The following DSCAML1 variants were observed in gnomAD, a reference collection of about 807,000 sequenced individuals.
The protein encoded by DSCAML1 is DS cell adhesion molecule like 1, also known as cell adhesion molecule DSCAML1.
DSCAML1 carries 38 observed loss-of-function variants against 200.5 expected under a neutral mutation model. The ratio of observed to expected loss-of-function variants is 0.19; its 90% CI spans 0.15 to 0.25. DSCAML1 has a LOEUF of 0.25. Ranked by LOEUF, DSCAML1 falls within the 10% of genes least tolerant of loss-of-function variation. The probability of loss-of-function intolerance (pLI) is 1.00; values close to 1 mark genes in which losing one functional copy is unlikely to be tolerated. For synonymous variants in DSCAML1, 1,215 were observed against 1,165.0 expected, an observed-to-expected ratio of 1.04 and a Z score of -0.87; for missense variants, 2,223 against 2,858.8, an observed-to-expected ratio of 0.78 and a Z score of 5.07.
intron 3 of DSCAML1, among the ~76,000 whole-genome samples, chr11:117,732,902 C>T (rs1456860096): frequency 6.6e-6 from 1 of 150,974 alleles, no homozygotes; most frequent in Non-Finnish European, 1.5e-5. Flanking sequence ...ATGATAATAA[C>T]AAAAAAAAAT....
chr11:117,575,809 G>A (rs900308095), intron 3 of DSCAML1, among the ~76,000 whole-genome samples: 1 of 151,998 alleles, frequency 6.6e-6, no homozygotes, highest in Non-Finnish European at 1.5e-5. Context: ...TCCAGTTTGG[G>A]TGACAGAGCC....
intron 1 of DSCAML1, among the ~76,000 whole-genome samples, chr11:117,791,940 A>G (rs2055474109): frequency 6.6e-6 from 1 of 152,200 alleles, no homozygotes. Context: ...ATAGCTGGAG[A>G]AAGTGGGGCT....
At chr11:117,453,673 A>G (rs1214453468) in intron 19 of DSCAML1, among the ~76,000 whole-genome samples, 1 of 151,470 alleles carries the variant, frequency 6.6e-6, no homozygotes, top group Non-Finnish European at 1.5e-5. Flanking sequence ...GGTTGCTTTT[A>G]AGATCTCTCT....
upstream of DSCAML1, among the ~76,000 whole-genome samples, chr11:117,799,803 A>C (rs1396338644): frequency 6.6e-6 from 1 of 152,236 alleles, no homozygotes; most frequent in Non-Finnish European, 1.5e-5. Flanking sequence ...AGTCGTAGCG[A>C]GGATTAAATA....
rs535686582 is a variant in DSCAML1 at position 117,718,678 on chromosome 11, C to T, written c.511+58113G>A. Among the ~76,000 whole-genome samples the T allele has an allele frequency of 5.5e-3, 532 of 96,952 alleles. 22 individuals carry two copies. The highest frequency in any genetic ancestry group is 0.017 in the African/African-American group (492 of 29,072). 63.6% of individuals were successfully genotyped at this position (96,952 alleles called of 152,430 possible). The stretch of plus-strand genomic sequence containing the variant: ...AGATGAATACTCAAAACCCCCCCCC[C>T]CCCCCATCATATGAGACCTTTAAAA... On this transcript the variant is annotated intron_variant, in intron 3 of 32. Transcript: ENST00000651296.
At chr11:117,630,412 G>T (rs181135910) in intron 3 of DSCAML1, among the ~76,000 whole-genome samples, 333 of 152,178 alleles carry the variant, frequency 2.2e-3, no homozygotes, top group African/African-American at 7.8e-3. Flanking sequence ...TCCCAAACCT[G>T]GCAGTGAGTT....
chr11:117,776,384 C>T (rs910458201), intron 3 of DSCAML1, among the ~76,000 whole-genome samples: 5 of 152,136 alleles, frequency 3.3e-5, no homozygotes, highest in South Asian at 2.1e-4. Context: ...AGTCACACGA[C>T]GCAGGAACAC....
At chr11:117,778,038 A>T (rs2055163014) in intron 2 of DSCAML1, among the ~76,000 whole-genome samples, 1 of 152,122 alleles carries the variant, frequency 6.6e-6, no homozygotes, top group South Asian at 2.1e-4. Context: ...CTGGCAGCCC[A>T]TCCCCACCCC....
chr11:117,497,719 C>T (rs1205840268), intron 11 of DSCAML1, among the ~76,000 whole-genome samples: 3 of 152,238 alleles, frequency 2.0e-5, no homozygotes, highest in Non-Finnish European at 4.4e-5. Flanking sequence ...CAGGGTGGGG[C>T]CCTTTCTGCC....
At chr11:117,501,272 C>T (rs1056211020) in intron 11 of DSCAML1, among the ~76,000 whole-genome samples, 3 of 152,062 alleles carry the variant, frequency 2.0e-5, no homozygotes, top group South Asian at 2.1e-4. Context: ...GCACCTGCCT[C>T]GAAGCAGCAG....
rs747756546 is a variant in DSCAML1, at chr11:117,482,110, A to G, written c.2412T>C (p.His804=). Residue 804 remains histidine (H), a synonymous_variant, in exon 12 of 33, where the codon CAT becomes CAC. Transcript: ENST00000651296. ...GTGCCGTGCAGTTTAGCTCCTTCGC[A>G]TGGCCCTTGATGGCGATGGTGGTGT... ...HPNTTIAIKG[H]AKELNCTARG... The G allele has an allele frequency of 1.2e-5, 20 of 1,614,030 alleles. No individual in the cohort carries two copies. Among genetic ancestry groups the G allele is most frequent in the Middle Eastern group, 1.6e-4 (1 of 6,082 alleles).
intron 18 of DSCAML1, among the ~76,000 whole-genome samples, chr11:117,460,549 A>G (rs534729006): frequency 3.3e-5 from 5 of 152,112 alleles, no homozygotes; most frequent in African/African-American, 1.2e-4. Flanking sequence ...CCTTTAATGG[A>G]GCATTTCCAC....
chr11:117,793,430 C>A (rs1351621031), intron 1 of DSCAML1, among the ~76,000 whole-genome samples: 5 of 152,202 alleles, frequency 3.3e-5, no homozygotes, highest in African/African-American at 1.2e-4. Flanking sequence ...CCCCTCTCTT[C>A]ATCTACAATT....
intron 3 of DSCAML1, among the ~76,000 whole-genome samples, chr11:117,759,473 G>A (rs1241156099): frequency 1.3e-5 from 2 of 152,202 alleles, no homozygotes; most frequent in Non-Finnish European, 2.9e-5. Flanking sequence ...CCCAGGGCTG[G>A]AAGGCAAGCA....
intron 3 of DSCAML1, among the ~76,000 whole-genome samples, chr11:117,568,954 A>C (rs1206311701): frequency 6.6e-6 from 1 of 152,198 alleles, no homozygotes; most frequent in East Asian, 1.9e-4. Context: ...GCATCACACT[A>C]CCTGACTTCA....
chr11:117,654,503 C>T (rs2052694883), intron 3 of DSCAML1, among the ~76,000 whole-genome samples: 2 of 152,200 alleles, frequency 1.3e-5, no homozygotes, highest in African/African-American at 4.8e-5. Flanking sequence ...CCCCTGTTGG[C>T]CCATCCATGA....
intron 11 of DSCAML1, among the ~76,000 whole-genome samples, chr11:117,492,265 T>A (rs1014087449): frequency 3.3e-5 from 5 of 152,196 alleles, no homozygotes; most frequent in Non-Finnish European, 5.9e-5. Context: ...ACTTAGGGTG[T>A]CCTTCATCAG....
intron 3 of DSCAML1, among the ~76,000 whole-genome samples, chr11:117,576,147 G>A (rs1451640601): frequency 6.6e-6 from 1 of 152,170 alleles, no homozygotes; most frequent in Non-Finnish European, 1.5e-5. Context: ...TGCTGAGGCT[G>A]CTGTACCCTT....
At chr11:117,742,906 C>T (rs577663049) in intron 3 of DSCAML1, among the ~76,000 whole-genome samples, 14 of 152,244 alleles carry the variant, frequency 9.2e-5, no homozygotes, top group African/African-American at 3.4e-4. Flanking sequence ...AACATGAGGT[C>T]GCTGGGTTAC....
Sources: gnomAD v4.1 joint callset for allele counts (sites outside exome capture counted in the v4.1 genomes callset) on GRCh38, gnomAD v4.1.1 for gene constraint, MANE v1.5 for transcripts, NCBI Gene and HGNC (gene_info 2026-07-23, HGNC 2026-07-21) for gene names.